The following SGCD variants were observed in gnomAD, a reference collection of about 807,000 sequenced individuals.
SGCD encodes the protein sarcoglycan delta.
SGCD carries 18 observed loss-of-function variants against 36.6 expected under a neutral mutation model. That is an observed-to-expected ratio of 0.49 (90% CI 0.34 to 0.73). The LOEUF (loss-of-function observed/expected upper bound fraction) is 0.73. SGCD is among the 30% of genes least tolerant of loss of function. SGCD has a pLI of 0.01. For missense variants in SGCD, 387 were observed against 346.7 expected (o/e 1.12, Z -0.92); for synonymous variants, 133 against 130.6 (o/e 1.02, Z -0.12).
At chr5:156,435,216 C>T (rs1753192455) in intron 3 of SGCD, among the ~76,000 whole-genome samples, 1 of 152,124 alleles carries the variant, frequency 6.6e-6, no homozygotes, top group South Asian at 2.1e-4. Flanking sequence ...GAAAATGAGG[C>T]ACAGAAAGGC....
At chr5:155,909,172 T>A (rs1198427387) in intron 1 of SGCD, among the ~76,000 whole-genome samples, 1 of 152,138 alleles carries the variant, frequency 6.6e-6, no homozygotes, top group African/African-American at 2.4e-5. Context: ...GCTGAACTCA[T>A]TTCAGGAACA....
intron 3 of SGCD, among the ~76,000 whole-genome samples, chr5:156,458,832 A>G (rs1275209016): frequency 4.6e-5 from 7 of 152,304 alleles, no homozygotes; most frequent in African/African-American, 1.7e-4. Context: ...TAAACAAGTG[A>G]CTAGAACATG....
chr5:156,275,288 C>A (rs548492498), intron 3 of SGCD, among the ~76,000 whole-genome samples: 3 of 152,010 alleles, frequency 2.0e-5, no homozygotes, highest in Non-Finnish European at 2.9e-5. Context: ...AACAAGACAC[C>A]ACATGGGGTA....
At chr5:156,648,063 C>T (rs1436226590) in intron 7 of SGCD, among the ~76,000 whole-genome samples, 1 of 152,048 alleles carries the variant, frequency 6.6e-6, no homozygotes, top group Non-Finnish European at 1.5e-5. Context: ...GTACTCACCA[C>T]CAGCAACTAA....
At chr5:156,734,377 G>GA (rs1756240711) in intron 7 of SGCD, among the ~76,000 whole-genome samples, 1 of 151,768 alleles carries the variant, frequency 6.6e-6, no homozygotes, top group African/African-American at 2.4e-5. Context: ...TTTTCTCATG[G>GA]AAAATCTTAC....
chr5:155,869,407 A>AT (rs1167621865), upstream of SGCD, among the ~76,000 whole-genome samples: 9 of 151,988 alleles, frequency 5.9e-5, no homozygotes, highest in African/African-American at 2.2e-4. Context: ...TGTATAAATG[A>AT]TTTTTTTTCT....
chr5:156,578,894 GT>G (rs201655780), intron 4 of SGCD, among the ~76,000 whole-genome samples: 1,848 of 152,234 alleles, frequency 0.012, 37 homozygotes, highest in African/African-American at 0.04. Context: ...CTTTTGAAGG[GT>G]TTTTTGTGTC....
chr5:156,043,385 C>G (rs1304177685), intron 1 of SGCD, among the ~76,000 whole-genome samples: 2 of 152,076 alleles, frequency 1.3e-5, no homozygotes, highest in African/African-American at 2.4e-5. Context: ...GAAAATTAGG[C>G]AATTTCTCAA....
At chr5:155,926,687 G>T (rs1561652479) in intron 1 of SGCD, among the ~76,000 whole-genome samples, 1 of 152,082 alleles carries the variant, frequency 6.6e-6, no homozygotes, top group Non-Finnish European at 1.5e-5. Flanking sequence ...TTGCAAACAG[G>T]AAATATTCCA....
chr5:156,382,817 G>C (rs144129959), intron 3 of SGCD, among the ~76,000 whole-genome samples: 1 of 152,268 alleles, frequency 6.6e-6, no homozygotes, highest in East Asian at 1.9e-4. Flanking sequence ...AAAGCTTATA[G>C]TACAATTTCA....
chr5:156,190,705 G>A (rs181092363), intron 3 of SGCD, among the ~76,000 whole-genome samples: 98 of 152,148 alleles, frequency 6.4e-4, no homozygotes, highest in Non-Finnish European at 1.1e-3. Context: ...TATATTAGAG[G>A]TAACATGTAC....
chr5:156,591,535 A>G (rs1028771104), intron 5 of SGCD, among the ~76,000 whole-genome samples: 1 of 152,148 alleles, frequency 6.6e-6, no homozygotes, highest in African/African-American at 2.4e-5. Context: ...TCTAGTGTTA[A>G]GAGAGTTGGG....
chr5:156,401,221 G>C (rs1772126884), intron 3 of SGCD, among the ~76,000 whole-genome samples: 1 of 152,160 alleles, frequency 6.6e-6, no homozygotes, highest in Non-Finnish European at 1.5e-5. Flanking sequence ...CTATGGAAAG[G>C]GCAGCTATGA....
chr5:156,450,566 T>G (rs1753965087), intron 3 of SGCD, among the ~76,000 whole-genome samples: 1 of 147,224 alleles, frequency 6.8e-6, no homozygotes, highest in African/African-American at 2.5e-5. Flanking sequence ...AAAAAAAAGT[T>G]AGATTAACTA....
Position 156,076,040 on chromosome 5 carries a change from C to T in SGCD, c.-281-41838C>T, listed in dbSNP as rs895573247. The stretch of plus-strand genomic sequence containing the variant: ...TGTGAAAAATACTGTAGACTAGTAG[C>T]ACTTATTTTGGATTTGGGTCTTCAT... On this transcript the variant is annotated intron_variant, in intron 1 of 9. Transcript: ENST00000517913. 8.6e-5 allele frequency among the ~76,000 whole-genome samples: 13 copies of T among 152,012 alleles called. No individual in the cohort carries two copies. The South Asian group carries it at 2.7e-3, about 32-fold the overall frequency.
At chr5:156,060,396 A>G (rs1760174511) in intron 1 of SGCD, among the ~76,000 whole-genome samples, 1 of 146,622 alleles carries the variant, frequency 6.8e-6, no homozygotes, top group African/African-American at 2.5e-5. Flanking sequence ...ATCAGGTTAT[A>G]GAGAAGGTTT....
chr5:156,059,219 C>G lies in SGCD; in HGVS notation c.-281-58659C>G, dbSNP rs1373705286. 2.1e-5 allele frequency among the ~76,000 whole-genome samples: 3 copies of G among 145,734 alleles called. No individual in the cohort carries two copies. The East Asian group carries it at 5.8e-4, about 28-fold the overall frequency. Reference sequence around the variant, plus strand: ...AGGCTTAACAAGCAAAACCCAAGCCCTGTCTAGAGGAAAGCAAGTTAATTA... The same window carrying G: ...AGGCTTAACAAGCAAAACCCAAGCCGTGTCTAGAGGAAAGCAAGTTAATTA... On this transcript the variant is annotated intron_variant, in intron 1 of 9. Coordinates refer to the SGCD transcript ENST00000517913.
chr5:155,731,233 A>C, the SGCD span, among the ~76,000 whole-genome samples: 7 of 152,038 alleles, frequency 4.6e-5, no homozygotes, highest in Non-Finnish European at 1.0e-4. Context: ...CAGGGTAGAC[A>C]GGGCAAAGAA....
intron 1 of SGCD, among the ~76,000 whole-genome samples, chr5:156,109,702 C>T (rs539138509): frequency 9.9e-5 from 15 of 152,240 alleles, no homozygotes; most frequent in Admixed American, 4.6e-4. Flanking sequence ...AACCAAACCC[C>T]CTTCAGCCTC....
Sources: gnomAD v4.1 joint callset for allele counts (sites outside exome capture counted in the v4.1 genomes callset) on GRCh38, gnomAD v4.1.1 for gene constraint, MANE v1.5 for transcripts, NCBI Gene and HGNC (gene_info 2026-07-23, HGNC 2026-07-21) for gene names.